ARHGAP35: variants seen among roughly 807,000 people sequenced by gnomAD.
ARHGAP35 encodes the protein Rho GTPase activating protein 35.
In ARHGAP35, 15 loss-of-function variants were observed where a neutral mutation model predicts 111.1. The ratio of observed to expected loss-of-function variants is 0.13; its 90% CI spans 0.09 to 0.21. The LOEUF (loss-of-function observed/expected upper bound fraction) is 0.21, where lower values mean the gene tolerates loss of function less well. ARHGAP35 is among the 10% of genes least tolerant of loss of function. ARHGAP35 has a pLI of 1.00. For missense variants in ARHGAP35, 1,262 were observed against 1,873.0 expected, an observed-to-expected ratio of 0.67 and a Z score of 6.02; for synonymous variants, 643 against 710.3, an observed-to-expected ratio of 0.91 and a Z score of 1.51.
chr19:46,875,096 G>A (rs2055910882), intron 1 of ARHGAP35, among the ~76,000 whole-genome samples: 1 of 152,096 alleles, frequency 6.6e-6, no homozygotes, highest in African/African-American at 2.4e-5. Flanking sequence ...ACAGGTGTGA[G>A]CCACCGCACC....
At chr19:46,903,280 A>C (rs1249615140) in intron 1 of ARHGAP35, among the ~76,000 whole-genome samples, 1 of 152,212 alleles carries the variant, frequency 6.6e-6, no homozygotes, top group East Asian at 1.9e-4. Context: ...ATAAGATTTT[A>C]ACATAGTAAA....
At position 46,926,697 on chromosome 19, in the gene ARHGAP35, A is replaced by G. The variant is rs959887358; in HGVS notation, c.3681+4341A>G. ...CTCACTGCAGCAACCACATGACAAGACAACCTATTGAAAAGCTAACCAATT... is the reference window on the plus strand; with the variant it reads ...CTCACTGCAGCAACCACATGACAAGGCAACCTATTGAAAAGCTAACCAATT... On this transcript the variant is annotated intron_variant, in intron 2 of 6. Coordinates refer to ENST00000672722, the MANE Select transcript of ARHGAP35 (RefSeq NM_004491.5). The surrounding 1 kb of genome is among the most constrained non-coding windows in gnomAD (Gnocchi z 4.1). Among the ~76,000 whole-genome samples, 8 of 152,192 alleles carry G rather than the reference A, an allele frequency of 5.3e-5. No homozygotes were observed. Among genetic ancestry groups the G allele is most frequent in the Non-Finnish European group, 1.0e-4 (7 of 68,030 alleles).
chr19:46,987,827 A>C (rs2056659283), intron 3 of ARHGAP35, among the ~76,000 whole-genome samples, 162 bp from the exon 4 acceptor site: 1 of 152,216 alleles, frequency 6.6e-6, no homozygotes, highest in South Asian at 2.1e-4. Context: ...AGATGGGTTG[A>C]AGCATCTAGA....
At chr19:46,872,401 T>C (rs1437559222) in intron 1 of ARHGAP35, among the ~76,000 whole-genome samples, 2 of 151,874 alleles carry the variant, frequency 1.3e-5, no homozygotes, top group African/African-American at 4.8e-5. Flanking sequence ...CTATTTCTGA[T>C]TCAGGGAAAA....
chr19:46,916,657 T>G (rs1249748285), intron 1 of ARHGAP35, among the ~76,000 whole-genome samples: 24 of 152,124 alleles, frequency 1.6e-4, no homozygotes, highest in Admixed American at 1.6e-3. Flanking sequence ...TTTTTTTTTA[T>G]TTGGAAATGA....
At chr19:46,899,437 G>A (rs1395938206) in intron 1 of ARHGAP35, among the ~76,000 whole-genome samples, 2 of 152,188 alleles carry the variant, frequency 1.3e-5, no homozygotes, top group Non-Finnish European at 2.9e-5. Context: ...GCTCACGCCT[G>A]TAATCCCAAC....
At chr19:46,915,031 C>T (rs1249931999) in intron 1 of ARHGAP35, among the ~76,000 whole-genome samples, 1 of 152,194 alleles carries the variant, frequency 6.6e-6, no homozygotes, top group Non-Finnish European at 1.5e-5. Context: ...CCCATGACTT[C>T]CTCAACCCTT....
rs367688420 is a variant in ARHGAP35 at position 46,962,637 on chromosome 19, C to T, written c.3826+25229C>T. Among the ~76,000 whole-genome samples, 194 of 152,260 alleles carry T rather than the reference C, an allele frequency of 1.3e-3. 6 individuals are homozygous for T. The South Asian group carries it at 0.037, about 29-fold the overall frequency. On this transcript the variant is annotated intron_variant, in intron 3 of 6. Transcript: ENST00000672722. Reference sequence around the variant, plus strand: ...TGTTTTTGTTTTTGAAATGGAGTCTCGCTTTGTCGCCCAGGCTGGAGTGCA... The same window carrying T: ...TGTTTTTGTTTTTGAAATGGAGTCTTGCTTTGTCGCCCAGGCTGGAGTGCA...
At chr19:46,987,707 A>C (rs1490198160) in intron 3 of ARHGAP35, among the ~76,000 whole-genome samples, 2 of 152,250 alleles carry the variant, frequency 1.3e-5, no homozygotes, top group Admixed American at 1.3e-4. Flanking sequence ...AAGAGTATAC[A>C]TCAAAATATG....
chr19:46,888,286 ATATATATATATATATATATATATATATAT>A (rs2056004216), intron 1 of ARHGAP35, among the ~76,000 whole-genome samples: 1 of 57,280 alleles, frequency 1.7e-5, no homozygotes, highest in African/African-American at 9.0e-5. Context: ...ATATATATAT[ATATATATATATATATATATATATATATAT>A]ATAAAATATT....
chr19:46,934,680 ATTATT>A (rs954415392), intron 2 of ARHGAP35, among the ~76,000 whole-genome samples: 26 of 146,744 alleles, frequency 1.8e-4, no homozygotes, highest in African/African-American at 6.6e-4. Flanking sequence ...CCTCTTATTT[ATTATT>A]TTGAGACGGG....
intron 1 of ARHGAP35, among the ~76,000 whole-genome samples, chr19:46,881,156 G>A (rs1250733939): frequency 6.6e-6 from 1 of 152,064 alleles, no homozygotes; most frequent in Non-Finnish European, 1.5e-5. Context: ...TGTTGGCCAG[G>A]CTGGTCTTGA....
intron 2 of ARHGAP35, among the ~76,000 whole-genome samples, chr19:46,933,596 G>A (rs1397368477): frequency 1.3e-5 from 2 of 152,116 alleles, no homozygotes; most frequent in African/African-American, 4.8e-5. Context: ...TCTAGGAGTT[G>A]GCCTCTATCA....
At chr19:46,883,189 G>C (rs1206408854) in intron 1 of ARHGAP35, among the ~76,000 whole-genome samples, 1 of 151,990 alleles carries the variant, frequency 6.6e-6, no homozygotes, top group Non-Finnish European at 1.5e-5. Flanking sequence ...CCGCCTCCGA[G>C]GTTCAAGCGA....
chr19:46,883,101 T>G (rs1190136212), intron 1 of ARHGAP35, among the ~76,000 whole-genome samples: 1 of 151,976 alleles, frequency 6.6e-6, no homozygotes, highest in Non-Finnish European at 1.5e-5. Context: ...TGGCCTAATT[T>G]CTTTTTTTTT....
At chr19:46,913,319 T>G (rs561614883) in intron 1 of ARHGAP35, among the ~76,000 whole-genome samples, 1 of 151,768 alleles carries the variant, frequency 6.6e-6, no homozygotes, top group African/African-American at 2.4e-5. Context: ...AGGCGTATGC[T>G]GATAGAGCTG....
At chr19:46,958,542 G>A (rs2056456110) in intron 3 of ARHGAP35, among the ~76,000 whole-genome samples, 1 of 152,214 alleles carries the variant, frequency 6.6e-6, no homozygotes, top group South Asian at 2.1e-4. Context: ...TTTATGTGTG[G>A]ATGACACTGC....
intron 1 of ARHGAP35, among the ~76,000 whole-genome samples, chr19:46,907,492 T>TTGTC (rs2056115935): frequency 1.4e-5 from 2 of 144,368 alleles, no homozygotes; most frequent in Non-Finnish European, 3.0e-5. Context: ...GTTTGTTTGT[T>TTGTC]TGTTTGTTTG....
intron 1 of ARHGAP35, among the ~76,000 whole-genome samples, chr19:46,880,437 AAAG>A (rs1046039666): frequency 3.0e-4 from 46 of 152,322 alleles, no homozygotes; most frequent in African/African-American, 1.0e-3. Context: ...TCTCAAAAAA[AAAG>A]AAGCAATTCC....
Sources: gnomAD v4.1 joint callset for allele counts (sites outside exome capture counted in the v4.1 genomes callset) on GRCh38, gnomAD v4.1.1 for gene constraint, Gnocchi (gnomAD v3.1) non-coding constraint, MANE v1.5 for transcripts, NCBI Gene and HGNC (gene_info 2026-07-23, HGNC 2026-07-21) for gene names.